The following TMEM229B variants were observed in gnomAD, a reference collection of about 807,000 sequenced individuals.
TMEM229B encodes the protein transmembrane protein 229B.
Under a neutral mutation model 13.7 loss-of-function variants are expected in TMEM229B, and 6 were observed. The ratio of observed to expected loss-of-function variants is 0.44; its 90% confidence interval spans 0.24 to 0.86. The LOEUF (loss-of-function observed/expected upper bound fraction) is 0.86. Ranked by LOEUF, TMEM229B falls within the 40% of genes least tolerant of loss-of-function variation. The probability of loss-of-function intolerance (pLI) is 0.23; values close to 1 mark genes in which losing one functional copy is unlikely to be tolerated. For synonymous variants in TMEM229B, 107 were observed against 102.1 expected (o/e 1.05, Z -0.29); for missense variants, 170 against 236.0 (o/e 0.72, Z 1.83).
chr14:67,488,109 C>T (rs976211348), intron 1 of TMEM229B, among the ~76,000 whole-genome samples: 1 of 152,248 alleles, frequency 6.6e-6, no homozygotes, highest in Admixed American at 6.5e-5. Flanking sequence ...AGCCCAGCCA[C>T]TCAGAAGCTG....
intron 1 of TMEM229B, among the ~76,000 whole-genome samples, chr14:67,502,787 A>C (rs904706903): frequency 3.9e-5 from 6 of 152,172 alleles, no homozygotes; most frequent in Non-Finnish European, 8.8e-5. Flanking sequence ...TCAAGGCCAA[A>C]GCAGAGTGAC....
chr14:67,482,379 G>A (rs914957916), intron 2 of TMEM229B, among the ~76,000 whole-genome samples: 1 of 152,222 alleles, frequency 6.6e-6, no homozygotes, highest in Non-Finnish European at 1.5e-5. Flanking sequence ...GTTTCAGGGG[G>A]CTAAGGTGCC....
At chr14:67,516,406 A>G (rs920650248), upstream of TMEM229B, among the ~76,000 whole-genome samples, 7 of 151,384 alleles carry the variant, frequency 4.6e-5, no homozygotes, top group African/African-American at 9.7e-5. Flanking sequence ...AGAGGGGGGG[A>G]AATGAGGAGA....
At chr14:67,512,298 A>G (rs937938807) in intron 1 of TMEM229B, among the ~76,000 whole-genome samples, 2 of 152,170 alleles carry the variant, frequency 1.3e-5, no homozygotes, top group East Asian at 3.8e-4. Context: ...CTTTTCAAAT[A>G]CAAAGCCTGA....
upstream of TMEM229B, among the ~76,000 whole-genome samples, chr14:67,490,128 TG>T: frequency 6.6e-6 from 1 of 152,344 alleles, no homozygotes; most frequent in Middle Eastern, 3.4e-3. Flanking sequence ...CTTGGGCGAC[TG>T]AAACATCCAA....
chr14:67,482,147 A>G (rs1316969760), intron 2 of TMEM229B, among the ~76,000 whole-genome samples: 1 of 152,184 alleles, frequency 6.6e-6, no homozygotes, highest in African/African-American at 2.4e-5. Flanking sequence ...CTACCCCTTC[A>G]AGGGAACAGG....
chr14:67,528,398 C>G (rs143429686), intron 1 of TMEM229B, among the ~76,000 whole-genome samples: 1 of 152,298 alleles, frequency 6.6e-6, no homozygotes, highest in Non-Finnish European at 1.5e-5. Flanking sequence ...TCTCTCCCCA[C>G]ACAGGCTCCC....
At chr14:67,522,168 G>A (rs181997694) in intron 1 of TMEM229B, among the ~76,000 whole-genome samples, 30 of 152,186 alleles carry the variant, frequency 2.0e-4, no homozygotes, top group East Asian at 5.8e-4. Context: ...GTGAGACTCC[G>A]TCTCAAAACA....
chr14:67,480,489 G>A (rs1016436362), intron 2 of TMEM229B, among the ~76,000 whole-genome samples: 1 of 152,152 alleles, frequency 6.6e-6, no homozygotes, highest in African/African-American at 2.4e-5. Context: ...TGGAATGAAA[G>A]GGGCACAGCC....
upstream of TMEM229B, among the ~76,000 whole-genome samples, chr14:67,518,303 T>C (rs1290858798): frequency 1.3e-5 from 2 of 152,240 alleles, no homozygotes; most frequent in Non-Finnish European, 2.9e-5. Context: ...CCTAGTTGGA[T>C]GTCTTAAGGA....
rs779004896 is a variant in TMEM229B at position 67,504,223 on chromosome 14, AG to A, written c.-192+10862del. On this transcript the variant is annotated intron_variant, in intron 1 of 2. Coordinates refer to the TMEM229B transcript ENST00000357461. ...GAGATGAGGTTTCACTGTGTTGGCC[AG>A]GTTGGTCTCGGACTTCTGACCTCAA... Among the ~76,000 whole-genome samples the A allele has an allele frequency of 7.9e-5, 12 of 151,760 alleles. 1 individual carries two copies. Among genetic ancestry groups the A allele is most frequent in the Admixed American group, 2.0e-4 (3 of 15,220 alleles).
upstream of TMEM229B, among the ~76,000 whole-genome samples, chr14:67,491,543 G>A (rs566483951): frequency 3.9e-5 from 6 of 152,200 alleles, no homozygotes; most frequent in African/African-American, 1.4e-4. Context: ...TTTCACTCAG[G>A]AAATTTCAAG....
At chr14:67,511,789 C>G (rs79942607) in intron 1 of TMEM229B, among the ~76,000 whole-genome samples, 5,334 of 152,268 alleles carry the variant, frequency 0.035, 362 homozygotes, top group East Asian at 0.27. Context: ...TGAAGTATAG[C>G]CTCACAGGGG....
At chr14:67,527,621 T>C (rs2033387577) in intron 1 of TMEM229B, among the ~76,000 whole-genome samples, 1 of 152,230 alleles carries the variant, frequency 6.6e-6, no homozygotes, top group Admixed American at 6.5e-5. Context: ...TTGCTTCTAT[T>C]CCCATTCAGC....
chr14:67,474,578 T>C (rs1459364230), intron 2 of TMEM229B, among the ~76,000 whole-genome samples: 1 of 140,940 alleles, frequency 7.1e-6, no homozygotes, highest in African/African-American at 2.6e-5. Flanking sequence ...GTGCATGCCA[T>C]TTTTTAACCA....
intron 1 of TMEM229B, among the ~76,000 whole-genome samples, chr14:67,524,143 A>T (rs2033332300): frequency 2.0e-5 from 3 of 152,022 alleles, no homozygotes; most frequent in Non-Finnish European, 2.9e-5. Flanking sequence ...TTTGATATTT[A>T]TTTTTTTAAT....
upstream of TMEM229B, among the ~76,000 whole-genome samples, chr14:67,517,725 C>G (rs1028445014): frequency 2.6e-5 from 4 of 152,114 alleles, no homozygotes; most frequent in African/African-American, 4.8e-5. Context: ...TAGTGCCTTA[C>G]AATTGACATA....
At chr14:67,532,966 A>C (rs1472650707) in intron 1 of TMEM229B, among the ~76,000 whole-genome samples, 1 of 151,990 alleles carries the variant, frequency 6.6e-6, no homozygotes, top group Non-Finnish European at 1.5e-5. Flanking sequence ...GCCTCCTCGG[A>C]GAGCTCCGGG....
chr14:67,486,047 T>C (rs894881231), intron 2 of TMEM229B, among the ~76,000 whole-genome samples: 9 of 152,194 alleles, frequency 5.9e-5, no homozygotes, highest in Non-Finnish European at 1.3e-4. Flanking sequence ...ACTGCACAGA[T>C]CTGAAGCCTG....
Sources: allele counts gnomAD v4.1 joint callset (sites outside exome capture counted in the v4.1 genomes callset), GRCh38; gene constraint gnomAD v4.1.1; transcripts MANE v1.5; gene names NCBI Gene and HGNC (gene_info 2026-07-23, HGNC 2026-07-21).